Variants in ERBIN observed in about 807,000 individuals in gnomAD.
ERBIN encodes the protein erbb2 interacting protein, also known as densin-180-like protein.
In ERBIN, 60 loss-of-function variants were observed where a neutral mutation model predicts 158.4. The observed-to-expected ratio is 0.38, with a 90% CI of 0.31 to 0.47. The LOEUF (loss-of-function observed/expected upper bound fraction) is 0.47, where lower values mean the gene tolerates loss of function less well. Ranked by LOEUF, ERBIN falls within the 20% of genes least tolerant of loss-of-function variation. The probability of loss-of-function intolerance (pLI) is 0.99; values close to 1 mark genes in which losing one functional copy is unlikely to be tolerated. For missense variants in ERBIN, 1,610 were observed against 1,648.0 expected, an observed-to-expected ratio of 0.98 and a Z score of 0.40; for synonymous variants, 594 against 557.2, an observed-to-expected ratio of 1.07 and a Z score of -0.93.
chr5:66,045,998 A>G (rs1241164155), intron 17 of ERBIN, among the ~76,000 whole-genome samples: 2 of 152,224 alleles, frequency 1.3e-5, no homozygotes, highest in African/African-American at 4.8e-5. Context: ...TTACCATGTC[A>G]TTAGAGTTAC....
chr5:66,040,108 A>G (rs1446010230), intron 15 of ERBIN, among the ~76,000 whole-genome samples: 1 of 151,906 alleles, frequency 6.6e-6, no homozygotes, highest in Non-Finnish European at 1.5e-5. Flanking sequence ...GTCAGACACA[A>G]TGCTAAGCAC....
At chr5:65,992,603 A>T in intron 2 of ERBIN, 107 bp from the exon 3 acceptor site, 1 of 740,738 alleles carries the variant, frequency 1.3e-6, no homozygotes, top group Non-Finnish European at 2.1e-6. Context: ...TAGTGGCAGG[A>T]GAAGTGTTTA....
At chr5:65,980,549 A>G (rs1750542353) in intron 1 of ERBIN, among the ~76,000 whole-genome samples, 1 of 152,248 alleles carries the variant, frequency 6.6e-6, no homozygotes, top group South Asian at 2.1e-4. Flanking sequence ...GTCAAATTTG[A>G]TTTCTAAAAG....
intron 1 of ERBIN, among the ~76,000 whole-genome samples, chr5:65,939,600 G>T (rs889017333): frequency 6.6e-6 from 1 of 151,790 alleles, no homozygotes; most frequent in Non-Finnish European, 1.5e-5. Flanking sequence ...ATGCCGAGCC[G>T]AAGCTGGACT....
At position 65,941,689 on chromosome 5, in the gene ERBIN, C is replaced by G. The variant is rs146317644; in HGVS notation, c.-58+14883C>G. Among the ~76,000 whole-genome samples the G allele has an allele frequency of 8.6e-3, 1,307 of 152,162 alleles. 18 individuals carry two copies. Among genetic ancestry groups the G allele is most frequent in the African/African-American group, 0.03 (1,225 of 41,520 alleles). On this transcript the variant is annotated intron_variant, in intron 1 of 25. Coordinates refer to ENST00000284037, the MANE Select transcript of ERBIN (RefSeq NM_001253697.2). ...AAGGATCTTTGTCACTACTTATACCCTAAGGTTTATTTTTGTCCCATGTGT... is the reference window on the plus strand; with the variant it reads ...AAGGATCTTTGTCACTACTTATACCGTAAGGTTTATTTTTGTCCCATGTGT...
At chr5:65,980,722 G>GAA (rs1045273526) in intron 1 of ERBIN, among the ~76,000 whole-genome samples, 1 of 147,460 alleles carries the variant, frequency 6.8e-6, no homozygotes, top group African/African-American at 2.5e-5. Flanking sequence ...TTACTAGCGG[G>GAA]AAAAAAAAAA....
chr5:65,948,987 C>A (rs546182154), intron 1 of ERBIN, among the ~76,000 whole-genome samples: 1 of 152,168 alleles, frequency 6.6e-6, no homozygotes, highest in East Asian at 1.9e-4. Flanking sequence ...TGGTCTCAAA[C>A]TCCTGACCTC....
At chr5:66,044,916 G>T (rs934660646) in intron 17 of ERBIN, among the ~76,000 whole-genome samples, 1 of 150,562 alleles carries the variant, frequency 6.6e-6, no homozygotes, top group African/African-American at 2.4e-5. Flanking sequence ...TATACAGAAA[G>T]TTTAAAAAAA....
chr5:66,060,225 T>C (rs1420527610), intron 21 of ERBIN, among the ~76,000 whole-genome samples: 13 of 152,224 alleles, frequency 8.5e-5, no homozygotes, highest in Non-Finnish European at 1.3e-4. Flanking sequence ...AGCCTGTTAT[T>C]GGTCTATTCA....
intron 4 of ERBIN, among the ~76,000 whole-genome samples, chr5:66,011,192 G>C (rs912763195): frequency 6.6e-6 from 1 of 152,122 alleles, no homozygotes; most frequent in Non-Finnish European, 1.5e-5. Flanking sequence ...GTTGAGAAAA[G>C]GGGAATATAA....
intron 21 of ERBIN, among the ~76,000 whole-genome samples, chr5:66,065,154 C>A (rs1435834967): frequency 6.6e-6 from 1 of 152,066 alleles, no homozygotes; most frequent in Non-Finnish European, 1.5e-5. Context: ...GAACACAATA[C>A]GATACTAGGT....
At chr5:66,015,423 G>A (rs945911702) in intron 7 of ERBIN, among the ~76,000 whole-genome samples, 2 of 152,098 alleles carry the variant, frequency 1.3e-5, no homozygotes, top group Non-Finnish European at 2.9e-5. Context: ...ATACATTCAT[G>A]TACATATTGT....
At position 65,958,146 on chromosome 5, in the gene ERBIN, G is replaced by A. The variant is rs1233057097; in HGVS notation, c.-57-30489G>A. ...TCCTCACTTCCCAGACTGGGCAGCC[G>A]GGCAGAGGGGCTCCTCACATCCCAG... On this transcript the variant is annotated intron_variant, in intron 1 of 25. Coordinates refer to ENST00000284037, the MANE Select transcript of ERBIN (RefSeq NM_001253697.2). Among the ~76,000 whole-genome samples, 4 of 151,768 alleles carry A rather than the reference G, an allele frequency of 2.6e-5. No homozygotes were observed. The South Asian group carries it at 6.2e-4, about 24-fold the overall frequency.
At chr5:65,954,727 A>C (rs1259603139) in intron 1 of ERBIN, among the ~76,000 whole-genome samples, 1 of 151,990 alleles carries the variant, frequency 6.6e-6, no homozygotes, top group East Asian at 1.9e-4. Flanking sequence ...TTTAGCAGGA[A>C]TATCTTTGCT....
At chr5:66,033,954 C>A (rs997386597) in intron 14 of ERBIN, among the ~76,000 whole-genome samples, 1 of 151,948 alleles carries the variant, frequency 6.6e-6, no homozygotes, top group African/African-American at 2.4e-5. Flanking sequence ...ACTGAAAATA[C>A]AAAAATTAGC....
chr5:66,078,433 A>G lies in ERBIN; in HGVS notation c.4142A>G (p.Tyr1381Cys), dbSNP rs368319086. ...TTTTTCCTCTTCTAGGCTAATGGCT[A>G]CAGTTTTATAAATATTGAACATGGA... ...PGDKIIQANGYSFINIEHGQA... is the reference protein window; with the variant it reads ...PGDKIIQANGCSFINIEHGQA... Residue 1381 changes from tyrosine (Y) to cysteine (C), a missense_variant, in exon 26 of 26, where the codon TAC becomes TGC. Physicochemically the swap from Tyr to Cys is radical, Grantham distance 194. This residue lies in a region of ERBIN where 1,014 missense variants were observed against 936.1 expected (regional missense o/e 1.08). Coordinates refer to ENST00000284037, the MANE Select transcript of ERBIN (RefSeq NM_001253697.2). 97 of 1,577,934 alleles carry G rather than the reference A, an allele frequency of 6.1e-5. No homozygotes were observed. The African/African-American group carries it at 1.2e-3, about 19-fold the overall frequency.
At chr5:65,981,274 G>A (rs892168144) in intron 1 of ERBIN, among the ~76,000 whole-genome samples, 1 of 152,056 alleles carries the variant, frequency 6.6e-6, no homozygotes, top group Non-Finnish European at 1.5e-5. Context: ...TAAATGCAGT[G>A]CTTAAATTAT....
intron 21 of ERBIN, among the ~76,000 whole-genome samples, chr5:66,066,897 C>T (rs1761054573): frequency 1.3e-5 from 2 of 152,152 alleles, no homozygotes; most frequent in Non-Finnish European, 2.9e-5. Context: ...AATTTAAAAC[C>T]AGACCTGTTT....
chr5:66,022,720 A>G (rs76842428), intron 8 of ERBIN, among the ~76,000 whole-genome samples: 2,650 of 152,320 alleles, frequency 0.017, 73 homozygotes, highest in African/African-American at 0.06. Context: ...AGAATTTTCT[A>G]CCATGTAATT....
Sources: allele counts gnomAD v4.1 joint callset (sites outside exome capture counted in the v4.1 genomes callset), GRCh38; gene constraint gnomAD v4.1.1; regional missense constraint gnomAD v4.1.1; transcripts MANE v1.5; gene names NCBI Gene and HGNC (gene_info 2026-07-23, HGNC 2026-07-21).